The following RPS6KC1 variants were observed in gnomAD, a reference collection of about 807,000 sequenced individuals.
RPS6KC1 encodes ribosomal protein S6 kinase C1.
In RPS6KC1, 54 loss-of-function variants were observed where a neutral mutation model predicts 103.8. The ratio of observed to expected loss-of-function variants is 0.52; its 90% CI spans 0.42 to 0.65. RPS6KC1 has a LOEUF of 0.65. Ranked by LOEUF, RPS6KC1 falls within the 30% of genes least tolerant of loss-of-function variation. The probability of loss-of-function intolerance (pLI) is 0.00; values close to 1 mark genes in which losing one functional copy is unlikely to be tolerated. For synonymous variants in RPS6KC1, 439 were observed against 438.7 expected, an observed-to-expected ratio of 1.00 and a Z score of -0.01; for missense variants, 1,151 against 1,253.8, an observed-to-expected ratio of 0.92 and a Z score of 1.24.
the RPS6KC1 span, among the ~76,000 whole-genome samples, chr1:213,512,552 G>A: frequency 3.9e-4 from 60 of 152,292 alleles, no homozygotes; most frequent in African/African-American, 1.4e-3. Context: ...CGACAGTTAA[G>A]TGGTACAAAC....
chr1:213,136,641 C>A (rs2086295367), intron 6 of RPS6KC1, among the ~76,000 whole-genome samples: 1 of 152,028 alleles, frequency 6.6e-6, no homozygotes, highest in African/African-American at 2.4e-5. Flanking sequence ...ATGGTATCTA[C>A]TTTTTTTAAA....
At chr1:213,288,020 C>G in the RPS6KC1 span, among the ~76,000 whole-genome samples, 1 of 152,216 alleles carries the variant, frequency 6.6e-6, no homozygotes, top group Non-Finnish European at 1.5e-5. Context: ...CACCTATTCT[C>G]TCCGCACTAG....
the RPS6KC1 span, among the ~76,000 whole-genome samples, chr1:213,515,249 C>T: frequency 6.6e-6 from 1 of 152,254 alleles, no homozygotes; most frequent in East Asian, 1.9e-4. Flanking sequence ...TCCCATTTGT[C>T]AATTTTGGCT....
the RPS6KC1 span, among the ~76,000 whole-genome samples, chr1:213,704,581 G>T: frequency 6.6e-6 from 1 of 152,108 alleles, no homozygotes; most frequent in Non-Finnish European, 1.5e-5. Flanking sequence ...AATTTTGAAT[G>T]CTCTGTTTGA....
the RPS6KC1 span, among the ~76,000 whole-genome samples, chr1:213,341,000 T>C: frequency 6.6e-6 from 1 of 152,260 alleles, no homozygotes; most frequent in South Asian, 2.1e-4. Context: ...AGAAGTCACT[T>C]AGCATTGCTG....
the RPS6KC1 span, among the ~76,000 whole-genome samples, chr1:213,623,248 T>C: frequency 6.6e-6 from 1 of 152,142 alleles, no homozygotes; most frequent in Non-Finnish European, 1.5e-5. Flanking sequence ...CATCAATCAG[T>C]CTGTCAACAG....
the RPS6KC1 span, among the ~76,000 whole-genome samples, chr1:213,660,553 A>G: frequency 1.3e-5 from 2 of 152,260 alleles, no homozygotes; most frequent in Non-Finnish European, 2.9e-5. Flanking sequence ...ACTAACTGCA[A>G]ACATTGTGGA....
the RPS6KC1 span, among the ~76,000 whole-genome samples, chr1:213,862,569 C>G: frequency 6.6e-6 from 1 of 152,084 alleles, no homozygotes; most frequent in Non-Finnish European, 1.5e-5. Context: ...CTATTTCACT[C>G]TCATTTAGCT....
the RPS6KC1 span, among the ~76,000 whole-genome samples, chr1:213,319,211 C>T: frequency 6.8e-6 from 1 of 147,278 alleles, no homozygotes; most frequent in Admixed American, 7.1e-5. Flanking sequence ...GAGGCTGAGG[C>T]ACAAGAATAG....
chr1:213,488,352 C>T, the RPS6KC1 span, among the ~76,000 whole-genome samples: 1 of 152,210 alleles, frequency 6.6e-6, no homozygotes, highest in Non-Finnish European at 1.5e-5. Context: ...CAGGTATTTG[C>T]CTCCTAGAGG....
intron 8 of RPS6KC1, among the ~76,000 whole-genome samples, chr1:213,217,558 A>C (rs2093699635): frequency 6.6e-6 from 1 of 152,202 alleles, no homozygotes; most frequent in African/African-American, 2.4e-5. Context: ...AGCCTGACAG[A>C]GACACAACAA....
At chr1:213,091,384 T>C (rs538053357) in intron 3 of RPS6KC1, among the ~76,000 whole-genome samples, 91 of 152,276 alleles carry the variant, frequency 6.0e-4, no homozygotes, top group African/African-American at 2.1e-3. Context: ...TAATACCTTT[T>C]TCAGATAATT....
At chr1:213,694,026 C>A in the RPS6KC1 span, among the ~76,000 whole-genome samples, 1 of 152,152 alleles carries the variant, frequency 6.6e-6, no homozygotes, top group Non-Finnish European at 1.5e-5. Flanking sequence ...GGCGATAGCA[C>A]CCATAATCTG....
chr1:213,068,850 CAAA>C (rs770389713), intron 1 of RPS6KC1, among the ~76,000 whole-genome samples: 1 of 106,848 alleles, frequency 9.4e-6, no homozygotes, highest in Admixed American at 9.7e-5. Context: ...CCATCTCTAC[CAAA>C]AAAAAAAAAA....
At chr1:213,598,147 G>A in the RPS6KC1 span, among the ~76,000 whole-genome samples, 4,622 of 152,268 alleles carry the variant, frequency 0.03, 112 homozygotes, top group East Asian at 0.11. Flanking sequence ...ATGTGAGAAA[G>A]CATATCTTTG....
intron 5 of RPS6KC1, among the ~76,000 whole-genome samples, chr1:213,118,026 A>AAAAAAAAAAAAAAAAAAAAAAAAAAAAAG (rs1188537190): frequency 6.8e-6 from 1 of 146,680 alleles, no homozygotes; most frequent in Non-Finnish European, 1.5e-5. Flanking sequence ...TGTCTCAAAA[A>AAAAAAAAAAAAAAAAAAAAAAAAAAAAAG]AAAAAAAAAA....
At chr1:213,733,694 C>A in the RPS6KC1 span, among the ~76,000 whole-genome samples, 1 of 151,956 alleles carries the variant, frequency 6.6e-6, no homozygotes, top group Non-Finnish European at 1.5e-5. Context: ...TAAATTGTAG[C>A]CTTTGAAAAC....
chr1:213,765,728 A>G, the RPS6KC1 span, among the ~76,000 whole-genome samples: 2 of 151,808 alleles, frequency 1.3e-5, no homozygotes, highest in Middle Eastern at 3.4e-3. Flanking sequence ...ACTCCCCTCC[A>G]CCCTTCCACC....
the RPS6KC1 span, among the ~76,000 whole-genome samples, chr1:213,351,034 A>G: frequency 6.6e-6 from 1 of 152,168 alleles, no homozygotes; most frequent in Admixed American, 6.6e-5. Context: ...TGATTTTTAT[A>G]TTATTTAGAT....
Sources: gnomAD v4.1 joint callset for allele counts (sites outside exome capture counted in the v4.1 genomes callset) on GRCh38, gnomAD v4.1.1 for gene constraint, MANE v1.5 for transcripts, NCBI Gene and HGNC (gene_info 2026-07-23, HGNC 2026-07-21) for gene names.